DGKI: variants seen among roughly 807,000 people sequenced by gnomAD.
DGKI encodes the protein DAG kinase iota.
Under a neutral mutation model 147.5 loss-of-function variants are expected in DGKI, and 55 were observed. The ratio of observed to expected loss-of-function variants is 0.37; its 90% CI spans 0.30 to 0.47. DGKI has a LOEUF of 0.47. DGKI is among the 20% of genes least tolerant of loss of function. The probability of loss-of-function intolerance (pLI) is 1.00; values close to 1 mark genes in which losing one functional copy is unlikely to be tolerated. For synonymous variants in DGKI, 469 were observed against 477.1 expected (o/e 0.98, Z 0.22); for missense variants, 1,007 against 1,323.8 (o/e 0.76, Z 3.71).
intron 6 of DGKI, among the ~76,000 whole-genome samples, chr7:137,643,792 T>C (rs754380564): frequency 6.6e-6 from 1 of 152,184 alleles, no homozygotes; most frequent in South Asian, 2.1e-4. Context: ...TAGGGAACAC[T>C]TGTCTCAAAG....
intron 1 of DGKI, among the ~76,000 whole-genome samples, chr7:137,742,647 T>G (rs1200860659): frequency 1.3e-5 from 2 of 152,054 alleles, no homozygotes; most frequent in African/African-American, 2.4e-5. Context: ...CACACACTTA[T>G]GAGAATGAAA....
At chr7:137,660,806 T>G (rs1365188436) in intron 3 of DGKI, among the ~76,000 whole-genome samples, 1 of 146,766 alleles carries the variant, frequency 6.8e-6, no homozygotes, top group Non-Finnish European at 1.5e-5. Context: ...ATGGGAAAGA[T>G]GATGAAAAAT....
intron 22 of DGKI, among the ~76,000 whole-genome samples, 161 bp downstream of exon 22, chr7:137,487,449 C>T (rs1384170098): frequency 6.6e-6 from 1 of 152,170 alleles, no homozygotes; most frequent in East Asian, 1.9e-4. Flanking sequence ...ACAACAGAGA[C>T]AGTGGGAGAG....
chr7:137,547,746 C>T (rs1056713362), intron 20 of DGKI, among the ~76,000 whole-genome samples: 2 of 152,114 alleles, frequency 1.3e-5, no homozygotes, highest in Non-Finnish European at 2.9e-5. Flanking sequence ...TCAATGATTA[C>T]ACTATTTTTA....
intron 1 of DGKI, among the ~76,000 whole-genome samples, chr7:137,794,031 T>C (rs1796947693): frequency 6.6e-6 from 1 of 152,210 alleles, no homozygotes; most frequent in Admixed American, 6.5e-5. Flanking sequence ...ATCTTCCTAC[T>C]ATTCAGTTTG....
chr7:137,422,241 C>G, intron 28 of DGKI, among the ~76,000 whole-genome samples: 1 of 152,146 alleles, frequency 6.6e-6, no homozygotes, highest in Admixed American at 6.5e-5. Context: ...CACACTCTTC[C>G]AGAATCACAG....
chr7:137,644,739 T>A (rs1309249810), intron 6 of DGKI, among the ~76,000 whole-genome samples: 1 of 152,236 alleles, frequency 6.6e-6, no homozygotes, highest in African/African-American at 2.4e-5. Flanking sequence ...AACCACACTA[T>A]ACATACTTAT....
At chr7:137,608,665 A>G (rs1311781182) in intron 10 of DGKI, among the ~76,000 whole-genome samples, 1 of 152,232 alleles carries the variant, frequency 6.6e-6, no homozygotes, top group African/African-American at 2.4e-5. Context: ...AAACATACGA[A>G]CTAAGAGAAA....
intron 7 of DGKI, 124 bp downstream of exon 7, chr7:137,623,359 A>G (rs1306420875): frequency 1.1e-6 from 1 of 873,216 alleles, no homozygotes; most frequent in Non-Finnish European, 1.9e-6. Flanking sequence ...CAAGGATCCT[A>G]TATGAGAAAA....
intron 1 of DGKI, among the ~76,000 whole-genome samples, chr7:137,830,195 AC>A (rs1415252571): frequency 6.6e-6 from 1 of 152,242 alleles, no homozygotes; most frequent in African/African-American, 2.4e-5. Context: ...TGGATATTCA[AC>A]TTTTGGAATG....
chr7:137,785,037 C>T (rs35868402), intron 1 of DGKI, among the ~76,000 whole-genome samples: 50,386 of 151,386 alleles, frequency 0.33, 8,606 homozygotes, highest in Middle Eastern at 0.44. Flanking sequence ...CACAAATAGA[C>T]GATCTAAGGT....
intron 1 of DGKI, among the ~76,000 whole-genome samples, chr7:137,695,755 C>T (rs1053084941): frequency 7.2e-5 from 11 of 152,196 alleles, no homozygotes; most frequent in African/African-American, 2.7e-4. Flanking sequence ...TACTACTTCT[C>T]TAATTGCCTT....
At chr7:137,398,555 G>C (rs1218148876) in intron 30 of DGKI, among the ~76,000 whole-genome samples, 2 of 152,106 alleles carry the variant, frequency 1.3e-5, no homozygotes, top group Non-Finnish European at 2.9e-5. Context: ...TTTATTGGTG[G>C]ATATCATTAT....
intron 1 of DGKI, among the ~76,000 whole-genome samples, chr7:137,733,427 A>T (rs960499283): frequency 6.6e-6 from 1 of 152,038 alleles, no homozygotes; most frequent in Non-Finnish European, 1.5e-5. Context: ...GAATCCTCTT[A>T]CTTTTTAAGG....
chr7:137,525,377 C>T (rs1817108073), intron 20 of DGKI, among the ~76,000 whole-genome samples: 1 of 152,128 alleles, frequency 6.6e-6, no homozygotes, highest in Admixed American at 6.6e-5. Flanking sequence ...TTTTAAACTC[C>T]TATCAAAAGA....
intron 1 of DGKI, among the ~76,000 whole-genome samples, chr7:137,709,059 C>T (rs892626870): frequency 8.5e-5 from 13 of 152,258 alleles, no homozygotes; most frequent in African/African-American, 2.2e-4. Context: ...CAGGTCACTT[C>T]GCTGCTCCAA....
intron 1 of DGKI, among the ~76,000 whole-genome samples, chr7:137,725,251 A>G (rs998498394): frequency 2.0e-5 from 3 of 152,064 alleles, no homozygotes; most frequent in Non-Finnish European, 4.4e-5. Context: ...CCTACGGGAG[A>G]AGTGATAAAT....
At chr7:137,622,221 A>G (rs1820773673) in intron 7 of DGKI, among the ~76,000 whole-genome samples, 1 of 152,190 alleles carries the variant, frequency 6.6e-6, no homozygotes, top group African/African-American at 2.4e-5. Context: ...AAGTTGAACT[A>G]TATGGAACTG....
At chr7:137,696,193 A>G (rs1335215427) in intron 1 of DGKI, among the ~76,000 whole-genome samples, 1 of 152,198 alleles carries the variant, frequency 6.6e-6, no homozygotes, top group Non-Finnish European at 1.5e-5. Flanking sequence ...CGTGTCAGGC[A>G]GTTCAAAGGG....
Sources: gnomAD v4.1 joint callset for allele counts (sites outside exome capture counted in the v4.1 genomes callset) on GRCh38, gnomAD v4.1.1 for gene constraint, MANE v1.5 for transcripts, NCBI Gene and HGNC (gene_info 2026-07-23, HGNC 2026-07-21) for gene names.